TPRG1: variants seen among roughly 807,000 people sequenced by gnomAD.
The protein encoded by TPRG1 is tumor protein p63 regulated 1, also known as tumor protein p63-regulated gene 1 protein.
In TPRG1, 29 loss-of-function variants were observed where a neutral mutation model predicts 29.3. The observed-to-expected ratio is 0.99, with a 90% confidence interval of 0.74 to 1.35. The LOEUF is 1.35. Ranked by LOEUF, TPRG1 falls within the 40% of genes most tolerant of loss-of-function variation. The pLI, the probability that TPRG1 is intolerant of heterozygous loss-of-function variation, is 0.00. For missense variants in TPRG1, 327 were observed against 335.0 expected (o/e 0.98, Z 0.19); for synonymous variants, 130 against 116.8 (o/e 1.11, Z -0.73).
chr3:189,262,912 G>A (rs1236155554), intron 4 of TPRG1, among the ~76,000 whole-genome samples: 1 of 152,248 alleles, frequency 6.6e-6, no homozygotes, highest in East Asian at 1.9e-4. Flanking sequence ...CTTGCCATGT[G>A]GGCCTTTCCG....
exon 3 of TPRG1, chr3:189,004,658 T>C (rs1712194941): frequency 6.6e-6 from 1 of 152,150 alleles, no homozygotes; most frequent in Non-Finnish European, 1.5e-5. Flanking sequence ...AAACCTGCTC[T>C]TCAGGCCTCC....
At chr3:189,100,607 T>G (rs778736626) in intron 1 of TPRG1, among the ~76,000 whole-genome samples, 4 of 152,244 alleles carry the variant, frequency 2.6e-5, no homozygotes, top group Admixed American at 2.0e-4. Context: ...ACTCGTTTGC[T>G]CTCTGTAATG....
intron 4 of TPRG1, among the ~76,000 whole-genome samples, chr3:189,288,410 A>C (rs1718441199): frequency 6.6e-6 from 1 of 152,214 alleles, no homozygotes; most frequent in African/African-American, 2.4e-5. Flanking sequence ...AGCACATAGG[A>C]TGACTAAGAA....
At chr3:189,304,116 GTT>G (rs67456701) in intron 4 of TPRG1, among the ~76,000 whole-genome samples, 8 of 137,014 alleles carry the variant, frequency 5.8e-5, no homozygotes, top group Non-Finnish European at 9.5e-5. Flanking sequence ...GTTAACTCTT[GTT>G]TTTTTTTTTT....
chr3:189,246,777 G>C (rs756333440), intron 4 of TPRG1, among the ~76,000 whole-genome samples: 3 of 152,070 alleles, frequency 2.0e-5, no homozygotes, highest in Non-Finnish European at 2.9e-5. Flanking sequence ...GCTTGAGATT[G>C]TTACTTCTTT....
chr3:189,094,239 G>A (rs1718527663), intron 4 of TPRG1, among the ~76,000 whole-genome samples: 1 of 152,170 alleles, frequency 6.6e-6, no homozygotes, highest in Non-Finnish European at 1.5e-5. Context: ...TAAGTGGAAA[G>A]GGGGCCTCAC....
chr3:189,318,298 C>T (rs1723873534), intron 5 of TPRG1, among the ~76,000 whole-genome samples: 2 of 152,128 alleles, frequency 1.3e-5, no homozygotes, highest in Admixed American at 1.3e-4. Context: ...CAGACAGCCA[C>T]ATTTGTGACT....
Position 189,195,661 on chromosome 3 carries a change from G to A in TPRG1, c.-9-11715G>A, listed in dbSNP as rs76472109. 7.9e-3 allele frequency among the ~76,000 whole-genome samples: 1,210 copies of A among 152,314 alleles called. 12 individuals carry two copies. The highest frequency in any genetic ancestry group is 0.027 in the African/African-American group (1,129 of 41,556). Reference sequence around the variant, plus strand: ...ATGTGGACTCCAGTCAGCTCCCACAGCTGGGCTTAGTGCCTGTGAGCACAG... The same window carrying A: ...ATGTGGACTCCAGTCAGCTCCCACAACTGGGCTTAGTGCCTGTGAGCACAG... On this transcript the variant is annotated intron_variant, in intron 1 of 5. Transcript: ENST00000345063.
At chr3:189,147,847 A>C (rs1351133172) in intron 4 of TPRG1, among the ~76,000 whole-genome samples, 2 of 152,132 alleles carry the variant, frequency 1.3e-5, no homozygotes, top group African/African-American at 4.8e-5. Flanking sequence ...AGGTTAAGGA[A>C]CTTCAGCAGA....
At chr3:189,071,106 C>T (rs1716789695) in intron 4 of TPRG1, among the ~76,000 whole-genome samples, 1 of 150,788 alleles carries the variant, frequency 6.6e-6, no homozygotes, top group Admixed American at 6.6e-5. Flanking sequence ...AGAAACAGCT[C>T]AGTGAAGGTC....
intron 3 of TPRG1, among the ~76,000 whole-genome samples, chr3:189,223,459 C>T (rs1737236472): frequency 6.6e-6 from 1 of 152,210 alleles, no homozygotes; most frequent in Non-Finnish European, 1.5e-5. Context: ...CTTAATTAAA[C>T]ACATTGCTTT....
intron 5 of TPRG1, among the ~76,000 whole-genome samples, chr3:189,313,545 T>C (rs566946772): frequency 6.6e-6 from 1 of 152,216 alleles, no homozygotes; most frequent in Non-Finnish European, 1.5e-5. Flanking sequence ...AGCTGAGTTA[T>C]GCAGTCAACA....
chr3:189,305,966 T>C (rs185826388), intron 4 of TPRG1, among the ~76,000 whole-genome samples: 1 of 152,294 alleles, frequency 6.6e-6, no homozygotes, highest in African/African-American at 2.4e-5. Context: ...TCCTTGAGGA[T>C]AGAAAGTGGG....
At chr3:189,112,963 G>T (rs888570947) in intron 1 of TPRG1, among the ~76,000 whole-genome samples, 3 of 152,206 alleles carry the variant, frequency 2.0e-5, no homozygotes, top group South Asian at 2.1e-4. Context: ...AAATTACCTT[G>T]GGCAGTATGG....
At chr3:189,265,865 A>G (rs1350433739) in intron 4 of TPRG1, among the ~76,000 whole-genome samples, 1 of 152,154 alleles carries the variant, frequency 6.6e-6, no homozygotes, top group African/African-American at 2.4e-5. Context: ...CCACTCCTGT[A>G]CTGTTCACAT....
chr3:189,296,657 CAGA>C (rs1719976385), intron 4 of TPRG1, among the ~76,000 whole-genome samples: 1 of 152,100 alleles, frequency 6.6e-6, no homozygotes, highest in African/African-American at 2.4e-5. Flanking sequence ...AGAACATGTT[CAGA>C]AGAAGGCGAA....
intron 3 of TPRG1, among the ~76,000 whole-genome samples, chr3:189,218,639 G>T (rs1230043006): frequency 6.6e-6 from 1 of 152,174 alleles, no homozygotes. Context: ...GTGAACTTAC[G>T]TTAGCTTCAC....
chr3:189,176,453 G>GA (rs981118633), intron 1 of TPRG1, among the ~76,000 whole-genome samples: 7 of 151,490 alleles, frequency 4.6e-5, no homozygotes, highest in South Asian at 4.2e-4. Flanking sequence ...TAGCAGCAGT[G>GA]AAAAAAAATA....
chr3:189,086,898 G>A (rs527818411), intron 4 of TPRG1, among the ~76,000 whole-genome samples: 108 of 152,216 alleles, frequency 7.1e-4, no homozygotes, highest in African/African-American at 2.5e-3. Flanking sequence ...TCTTAATCCA[G>A]TCTATCATTG....
Sources: gnomAD v4.1 joint callset for allele counts (sites outside exome capture counted in the v4.1 genomes callset) on GRCh38, gnomAD v4.1.1 for gene constraint, MANE v1.5 for transcripts, NCBI Gene and HGNC (gene_info 2026-07-23, HGNC 2026-07-21) for gene names.